The following POLR1A variants were observed in gnomAD, a reference collection of about 807,000 sequenced individuals.
POLR1A encodes RNA polymerase I subunit A, also known as DNA-directed RNA polymerase I subunit RPA1.
Under a neutral mutation model 205.3 loss-of-function variants are expected in POLR1A, and 84 were observed. The ratio of observed to expected loss-of-function variants is 0.41; its 90% CI spans 0.34 to 0.49. The LOEUF is 0.49. POLR1A is among the 20% of genes least tolerant of loss of function. The pLI is 0.22. For synonymous variants in POLR1A, 799 were observed against 863.7 expected (o/e 0.93, Z 1.31); for missense variants, 1,645 against 2,204.5 (o/e 0.75, Z 5.08).
intron 1 of POLR1A, among the ~76,000 whole-genome samples, chr2:86,100,637 G>T (rs1371409421): frequency 6.6e-6 from 1 of 151,526 alleles, no homozygotes; most frequent in Admixed American, 6.6e-5. Context: ...GGGCTCCAGT[G>T]ATCCTCCCAC....
chr2:86,037,256 T>C (rs1295358696), intron 27 of POLR1A, among the ~76,000 whole-genome samples: 2 of 152,254 alleles, frequency 1.3e-5, no homozygotes, highest in Admixed American at 6.5e-5. Context: ...CAGCCCAGGC[T>C]GGCACCAACG....
Position 86,044,452 on chromosome 2 carries a change from C to T in POLR1A, c.2970-148G>A, listed in dbSNP as rs1672676332. On this transcript the variant is annotated intron_variant, in intron 21 of 33. Coordinates refer to ENST00000263857, the MANE Select transcript of POLR1A (RefSeq NM_015425.6). ...CTTCAGAACAGGCTAGATCCAATGC[C>T]CCGGGGTCTGGGCTTGCTCCAGTGT... 4 of 780,472 alleles carry T rather than the reference C, an allele frequency of 5.1e-6. No homozygotes were observed. In the East Asian group the frequency reaches 1.1e-4, roughly 21 times the overall value. 48.3% of individuals were successfully genotyped at this position (780,472 alleles called of 1,614,324 possible). A position where few individuals can be genotyped will look rare whatever the true frequency, so the allele number is the denominator to read the frequency against.
intron 13 of POLR1A, among the ~76,000 whole-genome samples, chr2:86,066,581 T>C (rs1455807541): frequency 6.6e-6 from 1 of 152,230 alleles, no homozygotes; most frequent in African/African-American, 2.4e-5. Context: ...ATATAAAGAT[T>C]ATTAATCATT....
At chr2:86,048,086 A>G (rs950441158) in intron 18 of POLR1A, among the ~76,000 whole-genome samples, 2 of 152,192 alleles carry the variant, frequency 1.3e-5, no homozygotes, top group East Asian at 3.8e-4. Flanking sequence ...CGGTCTTCTC[A>G]GCAGCCTAAG....
intron 27 of POLR1A, among the ~76,000 whole-genome samples, chr2:86,034,385 G>T (rs1466594916): frequency 6.6e-6 from 1 of 152,188 alleles, no homozygotes; most frequent in Non-Finnish European, 1.5e-5. Flanking sequence ...CTTCGGAAGG[G>T]CTCATCAAAA....
chr2:86,031,955 A>G (rs975689985), intron 29 of POLR1A, among the ~76,000 whole-genome samples: 1 of 152,010 alleles, frequency 6.6e-6, no homozygotes, highest in African/African-American at 2.4e-5. Flanking sequence ...GAGGAGAGAG[A>G]GGTATATTTT....
rs753376316 is a variant in POLR1A at position 86,039,748 on chromosome 2, G to A, written c.3741-286C>T. ...TTGCAAACAACAGGTGCCTGCTGACGCTTACTGAATGAACAAGCGATGCAG... is the reference window on the plus strand; with the variant it reads ...TTGCAAACAACAGGTGCCTGCTGACACTTACTGAATGAACAAGCGATGCAG... On this transcript the variant is annotated intron_variant, in intron 25 of 33. Coordinates refer to ENST00000263857, the MANE Select transcript of POLR1A (RefSeq NM_015425.6). Among the ~76,000 whole-genome samples, 108 of 152,188 alleles carry A rather than the reference G, an allele frequency of 7.1e-4. 1 individual carries two copies. The highest frequency in any genetic ancestry group is 7.9e-4 in the Non-Finnish European group (54 of 68,038).
At chr2:86,077,808 C>G (rs781714199) in intron 11 of POLR1A, 51 bp downstream of exon 11, 1 of 1,041,092 alleles carries the variant, frequency 9.6e-7, no homozygotes, top group South Asian at 1.5e-5. Context: ...TGCACGCGCG[C>G]GCGCACACAC....
chr2:86,034,556 C>G (rs1672461489), intron 27 of POLR1A, among the ~76,000 whole-genome samples: 1 of 152,180 alleles, frequency 6.6e-6, no homozygotes, highest in South Asian at 2.1e-4. Flanking sequence ...ACCCTGTCCC[C>G]TCCATACCAC....
rs764041864 is a variant in POLR1A, at chr2:86,038,833, C to T, written c.3901G>A (p.Glu1301Lys). 7.4e-6 allele frequency: 12 copies of T among 1,614,008 alleles called. No homozygotes were observed. The highest frequency in any genetic ancestry group is 9.3e-6 in the Non-Finnish European group (11 of 1,180,012). Residue 1301 changes from glutamate to lysine, a missense_variant, in exon 27 of 34, where the codon GAG becomes AAG. Physicochemically the swap from Glu to Lys is moderately conservative, Grantham distance 56. Around this residue, in one of 16 missense-constraint regions of POLR1A, gnomAD observed 394 missense variants for 468.5 expected, o/e 0.84. Transcript: ENST00000263857. ...TGTTTTTCTTCCATACAGAAGGACTCCTGGACGTCAATTTTCTGCAACACC... is the reference window on the plus strand; with the variant it reads ...TGTTTTTCTTCCATACAGAAGGACTTCTGGACGTCAATTTTCTGCAACACC... ...GEVLQKIDVQ[E>K]SFCMEEKQNK...
chr2:86,056,015 T>C (rs1672890168), intron 14 of POLR1A, among the ~76,000 whole-genome samples: 1 of 152,200 alleles, frequency 6.6e-6, no homozygotes, highest in African/African-American at 2.4e-5. Context: ...CATGATATTA[T>C]AGAGAGAAAA....
rs1366148701 is a variant in POLR1A, at chr2:86,040,196, C to T, written c.3740+196G>A. On this transcript the variant is annotated intron_variant, in intron 25 of 33. Transcript: ENST00000263857. ...GCAGAGGAATAAATGGAGATCCTAC[C>T]AGGCCTGGGCACCAAAGAAACCAGC... 3 of 446,662 alleles carry T rather than the reference C, an allele frequency of 6.7e-6. No individual in the cohort carries two copies. The East Asian group carries it at 1.0e-4, about 15-fold the overall frequency. The allele number at this position is 446,662 out of a possible 1,614,324, so 27.7% of individuals were successfully genotyped here. A position where few individuals can be genotyped will look rare whatever the true frequency, so the allele number is the denominator to read the frequency against.
Position 86,070,184 on chromosome 2 carries a change from C to T in POLR1A, c.1700G>A (p.Arg567His), listed in dbSNP as rs753139894. ...CAGCACTTTCTCTTCAGGCAGGATG[C>T]GGGCACGGTGGGCCTGGATGGAGGG... The part of the protein sequence containing the change: ...HRPSIQAHRA[R>H]ILPEEKVLRL... The change falls in exon 13 of 34, where the codon CGC (arginine) becomes CAC (histidine). Residue 567 changes from arginine (R) to histidine (H), a missense_variant. Transcript: ENST00000263857. This position sits in a 1 kb window ranked among gnomAD's most constrained non-coding sequence, Gnocchi z 4.4. 18 of 1,613,990 alleles carry T rather than the reference C, an allele frequency of 1.1e-5. No homozygotes were observed. Among genetic ancestry groups the T allele is most frequent in the South Asian group, 3.3e-5 (3 of 91,072 alleles).
In POLR1A at chr2:86,075,180, G is replaced by A. The variant is rs990815622; in HGVS notation, c.1461C>T (p.Gly487=). Residue 487 remains glycine, a synonymous_variant, in exon 12 of 34, where the codon GGC becomes GGT. Coordinates refer to ENST00000263857, the MANE Select transcript of POLR1A (RefSeq NM_015425.6). ...TGGAGGCTCCTGGGTGCACATTAGG[G>A]CCGTTGATGACCGCTTGCCTAAGTT... is the stretch of plus-strand genomic sequence containing the variant. ...VQELRQAVIN[G]PNVHPGASMV... is the part of the protein sequence containing the mutation. The A allele has an allele frequency of 1.9e-6, 3 of 1,613,370 alleles. No individual in the cohort carries two copies. Among genetic ancestry groups the A allele is most frequent in the Non-Finnish European group, 8.5e-7 (1 of 1,179,780 alleles).
In POLR1A at chr2:86,025,769, AATC is replaced by A. The variant is rs771802513; in HGVS notation, c.*1651_*1653del. The A allele has an allele frequency of 1.3e-5, 2 of 152,212 alleles. No homozygotes were observed. Among genetic ancestry groups the A allele is most frequent in the Non-Finnish European group, 2.9e-5 (2 of 68,042 alleles). 9.4% of individuals were successfully genotyped at this position (152,212 alleles called of 1,614,324 possible). On this transcript the variant is annotated 3_prime_UTR_variant, in exon 34 of 34. Coordinates refer to ENST00000263857, the MANE Select transcript of POLR1A (RefSeq NM_015425.6). ...CTCTCACAATTCTAGTGTGTGTAGAAATCATCAAGTGAATATGGCCTTTAACTC... is the reference window on the plus strand; with the variant it reads ...CTCTCACAATTCTAGTGTGTGTAGAAATCAAGTGAATATGGCCTTTAACTC...
chr2:86,099,531 C>G (rs1295477861), intron 2 of POLR1A, among the ~76,000 whole-genome samples: 2 of 151,196 alleles, frequency 1.3e-5, no homozygotes, highest in Non-Finnish European at 2.9e-5. Flanking sequence ...TCTGACCTCA[C>G]TGTTGGGCTT....
Position 86,028,110 on chromosome 2 carries a change from A to G in POLR1A, c.4898-61T>C. 6.5e-7 allele frequency: 1 copy of G among 1,549,876 alleles called. No homozygotes were observed. Among genetic ancestry groups the G allele is most frequent in the African/African-American group, 1.4e-5 (1 of 73,750 alleles). On this transcript the variant is annotated intron_variant, in intron 32 of 33. Coordinates refer to ENST00000263857, the MANE Select transcript of POLR1A (RefSeq NM_015425.6). The surrounding 1 kb of genome is among the most constrained non-coding windows in gnomAD (Gnocchi z 4.5). ...CAGTGACCACGGGAGCAGTCAGCAG[A>G]CACAAGCCAAGCTGCCTCCACATCA...
chr2:86,077,759 G>A (rs1266882717), intron 11 of POLR1A, 100 bp downstream of exon 11: 45 of 1,380,758 alleles, frequency 3.3e-5, no homozygotes, highest in East Asian at 4.6e-5. Context: ...AGTCCTCTGC[G>A]GCATTCTCAT....
chr2:86,098,517 TATCGGC>T lies in POLR1A; in HGVS notation c.432+88_432+93del, dbSNP rs575572947. 61 of 1,266,284 alleles carry T rather than the reference TATCGGC, an allele frequency of 4.8e-5. No individual in the cohort carries two copies. The African/African-American group carries it at 8.7e-4, about 18-fold the overall frequency. The allele number at this position is 1,266,284 out of a possible 1,614,324, so 78.4% of individuals were successfully genotyped here. On this transcript the variant is annotated intron_variant, in intron 3 of 33. Coordinates refer to ENST00000263857, the MANE Select transcript of POLR1A (RefSeq NM_015425.6). ...TATAAAGATCAAACGTTCTGATGAC[TATCGGC>T]ATGGTAACTAGGACAACATACAAGC... is the stretch of plus-strand genomic sequence containing the variant.
Sources: allele counts gnomAD v4.1 joint callset (sites outside exome capture counted in the v4.1 genomes callset), GRCh38; gene constraint gnomAD v4.1.1; regional missense constraint gnomAD v4.1.1; non-coding constraint Gnocchi (gnomAD v3.1); transcripts MANE v1.5; gene names NCBI Gene and HGNC (gene_info 2026-07-23, HGNC 2026-07-21).